Variants in CDC73 observed in about 807,000 individuals in gnomAD.
CDC73 encodes the protein cell division cycle 73, also known as parafibromin.
In CDC73, 21 loss-of-function variants were observed where a neutral mutation model predicts 83.7. The observed-to-expected ratio is 0.25, with a 90% CI of 0.18 to 0.36. CDC73 has a LOEUF of 0.36. Among genes scored for constraint, CDC73 ranks in the 10% least tolerant of loss-of-function variants. CDC73 has a pLI of 1.00. For synonymous variants in CDC73, 224 were observed against 212.9 expected, an observed-to-expected ratio of 1.05 and a Z score of -0.45; for missense variants, 342 against 653.3, an observed-to-expected ratio of 0.52 and a Z score of 5.19.
At chr1:193,180,748 G>A in intron 10 of CDC73, 1 of 1,614,026 alleles carries the variant, frequency 6.2e-7, no homozygotes, top group South Asian at 1.1e-5. Flanking sequence ...ATGTCTGGGA[G>A]GCAGATCTGG....
chr1:193,179,366 C>T (rs1676670606), intron 10 of CDC73: 2 of 152,412 alleles, frequency 1.3e-5, no homozygotes, highest in Non-Finnish European at 2.9e-5. Flanking sequence ...ACTGCACCTG[C>T]ACTCTTTATC....
intron 10 of CDC73, among the ~76,000 whole-genome samples, chr1:193,192,411 C>T (rs1430046711): frequency 6.6e-6 from 1 of 152,086 alleles, no homozygotes; most frequent in Non-Finnish European, 1.5e-5. Context: ...CCACTGCACT[C>T]CAGCCTGGGC....
rs951539736 is a variant in CDC73 at position 193,254,105 on chromosome 1, A to G, written c.*3393A>G. On this transcript the variant is annotated 3_prime_UTR_variant, in exon 17 of 17. Transcript: ENST00000367435. ...TTGCTTGTTTAAATGCAAAATTATG[A>G]GTAAGATAAGTCTTTTTAAATTTTT... is the stretch of plus-strand genomic sequence containing the variant. 3.3e-5 allele frequency among the ~76,000 whole-genome samples: 5 copies of G among 151,938 alleles called. No individual in the cohort carries two copies. The highest frequency in any genetic ancestry group is 7.4e-5 in the Non-Finnish European group (5 of 67,858).
At chr1:193,180,554 A>G (rs1676696604) in intron 10 of CDC73, 1 of 1,614,112 alleles carries the variant, frequency 6.2e-7, no homozygotes. Context: ...TCCAAGTGCA[A>G]ACGGCGGATA....
chr1:193,164,963 C>G (rs1381247526), intron 10 of CDC73, among the ~76,000 whole-genome samples: 1 of 152,164 alleles, frequency 6.6e-6, no homozygotes, highest in Non-Finnish European at 1.5e-5. Flanking sequence ...GACCTTTCTG[C>G]ACGTTTGAGC....
chr1:193,168,853 G>T (rs985993196), intron 10 of CDC73, among the ~76,000 whole-genome samples: 1 of 152,168 alleles, frequency 6.6e-6, no homozygotes, highest in Non-Finnish European at 1.5e-5. Flanking sequence ...GGCAGTCATC[G>T]ACAATAGGTA....
intron 10 of CDC73, among the ~76,000 whole-genome samples, chr1:193,170,886 A>G (rs974974405): frequency 6.6e-6 from 1 of 152,174 alleles, no homozygotes; most frequent in African/African-American, 2.4e-5. Flanking sequence ...TCTAAAACAC[A>G]TCTGTGAGCA....
intron 8 of CDC73, among the ~76,000 whole-genome samples, chr1:193,149,153 TAGTG>T (rs763111365): frequency 1.3e-5 from 2 of 152,162 alleles, no homozygotes; most frequent in African/African-American, 2.4e-5. Flanking sequence ...TGAGATACAA[TAGTG>T]AGAAAGATTA....
intron 13 of CDC73, among the ~76,000 whole-genome samples, chr1:193,222,176 A>G (rs532644072): frequency 6.6e-6 from 1 of 152,342 alleles, no homozygotes; most frequent in East Asian, 1.9e-4. Flanking sequence ...AGGTTATTTA[A>G]AATAAACGAT....
intron 10 of CDC73, among the ~76,000 whole-genome samples, chr1:193,200,218 T>TA (rs555358236): frequency 7.2e-5 from 11 of 152,110 alleles, no homozygotes; most frequent in Middle Eastern, 3.4e-3. Flanking sequence ...CCTGTTTTTT[T>TA]AAAAAAAAGT....
chr1:193,133,682 AAAAC>A (rs1292014385), intron 3 of CDC73, among the ~76,000 whole-genome samples: 2 of 152,192 alleles, frequency 1.3e-5, no homozygotes, highest in Non-Finnish European at 2.9e-5. Flanking sequence ...TGTATTATAA[AAAAC>A]AAAAGACATG....
At chr1:193,244,950 A>AT (rs1400437046) in intron 15 of CDC73, among the ~76,000 whole-genome samples, 1 of 152,202 alleles carries the variant, frequency 6.6e-6, no homozygotes, top group Non-Finnish European at 1.5e-5. Flanking sequence ...GCCTACAATA[A>AT]TGCATAATGT....
chr1:193,144,523 A>G (rs529166812), intron 7 of CDC73, among the ~76,000 whole-genome samples: 7 of 152,308 alleles, frequency 4.6e-5, no homozygotes, highest in South Asian at 4.1e-4. Context: ...TACACAATCA[A>G]TGGTTGGTAA....
At chr1:193,159,159 T>C (rs1257437242) in intron 10 of CDC73, among the ~76,000 whole-genome samples, 6 of 152,196 alleles carry the variant, frequency 3.9e-5, no homozygotes, top group Non-Finnish European at 7.4e-5. Flanking sequence ...GTTCTGGTTA[T>C]AGATTTGGAC....
intron 10 of CDC73, among the ~76,000 whole-genome samples, chr1:193,178,264 T>C (rs1226513542): frequency 1.3e-5 from 2 of 152,188 alleles, no homozygotes; most frequent in East Asian, 1.9e-4. Flanking sequence ...ATCAGATTAC[T>C]ATCGTTTTTC....
intron 7 of CDC73, among the ~76,000 whole-genome samples, chr1:193,147,364 T>C (rs574306350): frequency 2.0e-5 from 3 of 150,602 alleles, no homozygotes; most frequent in African/African-American, 7.4e-5. Context: ...TTGTAGCAGT[T>C]TTTTTTTTCT....
intron 10 of CDC73, among the ~76,000 whole-genome samples, chr1:193,173,385 A>G (rs1268070625): frequency 6.6e-6 from 1 of 151,944 alleles, no homozygotes; most frequent in African/African-American, 2.4e-5. Flanking sequence ...TTTTTTTTCT[A>G]AAGTATTTAA....
At chr1:193,145,698 A>C (rs571267183) in intron 7 of CDC73, among the ~76,000 whole-genome samples, 20 of 152,328 alleles carry the variant, frequency 1.3e-4, no homozygotes, top group Admixed American at 3.9e-4. Flanking sequence ...AATTTGTAAG[A>C]GTGCAAAGGG....
intron 13 of CDC73, among the ~76,000 whole-genome samples, chr1:193,222,600 G>A (rs1677491663): frequency 6.6e-6 from 1 of 152,006 alleles, no homozygotes; most frequent in South Asian, 2.1e-4. Context: ...TGTTCCGTGT[G>A]GTTATTTTAA....
Sources: allele counts gnomAD v4.1 joint callset (sites outside exome capture counted in the v4.1 genomes callset), GRCh38; gene constraint gnomAD v4.1.1; transcripts MANE v1.5; gene names NCBI Gene and HGNC (gene_info 2026-07-23, HGNC 2026-07-21).